DMD: variants seen among roughly 807,000 people sequenced by gnomAD.
DMD encodes mutant dystrophin.
In DMD, 63 loss-of-function variants were observed where a neutral mutation model predicts 330.1. The ratio of observed to expected loss-of-function variants is 0.19; its 90% CI spans 0.16 to 0.24. The LOEUF (loss-of-function observed/expected upper bound fraction) is 0.24. Ranked by LOEUF, DMD falls within the 10% of genes least tolerant of loss-of-function variation. DMD has a pLI of 1.00. For synonymous variants in DMD, 1,223 were observed against 959.8 expected, an observed-to-expected ratio of 1.27 and a Z score of -5.07; for missense variants, 3,344 against 2,684.1, an observed-to-expected ratio of 1.25 and a Z score of -5.43.
intron 47 of DMD, among the ~76,000 whole-genome samples, chrX:31,894,536 CG>C (rs1403219431): frequency 9.0e-6 from 1 of 111,601 alleles, no homozygotes; most frequent in Non-Finnish European, 1.9e-5. Flanking sequence ...CCTTACGTCC[CG>C]GGGGAAACTC....
At chrX:32,648,331 CA>C (rs1222221585) in intron 9 of DMD, among the ~76,000 whole-genome samples, 1 of 111,540 alleles carries the variant, frequency 9.0e-6, no homozygotes, top group Non-Finnish European at 1.9e-5. Context: ...GAATTATAAT[CA>C]AAATTTGAAT....
intron 7 of DMD, among the ~76,000 whole-genome samples, chrX:32,782,109 CTT>C (rs2074826348): frequency 9.0e-6 from 1 of 111,377 alleles, no homozygotes; most frequent in African/African-American, 3.3e-5. Context: ...CTAATGAAAA[CTT>C]TGAAAAATGT....
rs915531178 is a variant in DMD, at chrX:32,911,613, C to G, written c.94-61793G>C. The stretch of plus-strand genomic sequence containing the variant: ...GCCAATGGAACCATGAAAAAATGCC[C>G]AAACTCATTTTTCATTAATGCAATT... On this transcript the variant is annotated intron_variant, in intron 2 of 78. Coordinates refer to ENST00000357033, the MANE Select transcript of DMD (RefSeq NM_004006.3). 5.4e-5 allele frequency among the ~76,000 whole-genome samples: 6 copies of G among 111,298 alleles called. No homozygotes were observed. The Admixed American group carries it at 5.8e-4, about 11-fold the overall frequency.
chrX:31,798,433 G>A (rs2149339398), intron 50 of DMD, among the ~76,000 whole-genome samples: 1 of 110,602 alleles, frequency 9.0e-6, no homozygotes, highest in South Asian at 3.9e-4. Context: ...GGCAAAGTGT[G>A]AGGAGAAGAG....
chrX:33,008,925 C>CGT (rs1557204330), intron 2 of DMD, among the ~76,000 whole-genome samples: 1 of 78,967 alleles, frequency 1.3e-5, no homozygotes, highest in South Asian at 5.8e-4. Context: ...TGTATATATA[C>CGT]ATGTATATAT....
intron 11 of DMD, among the ~76,000 whole-genome samples, chrX:32,638,404 G>A (rs776707886): frequency 8.9e-6 from 1 of 112,174 alleles, no homozygotes; most frequent in East Asian, 2.8e-4. Context: ...TTTCTACTCT[G>A]TCTTAATTTC....
intron 9 of DMD, among the ~76,000 whole-genome samples, chrX:32,664,366 C>G (rs753500869): frequency 1.3e-4 from 14 of 108,610 alleles, no homozygotes; most frequent in Non-Finnish European, 2.1e-4. Flanking sequence ...CTCAGCCTCC[C>G]GAGTAGCTGG....
chrX:31,845,375 G>GTCTCTCTCTCTC (rs535397626), intron 48 of DMD, among the ~76,000 whole-genome samples: 1,186 of 60,046 alleles, frequency 0.02, 93 homozygotes, highest in Non-Finnish European at 0.027. Flanking sequence ...ACAGAATAAA[G>GTCTCTCTCTCTC]TCTCTCTCTC....
intron 44 of DMD, among the ~76,000 whole-genome samples, chrX:32,049,962 C>T (rs1288978482): frequency 1.8e-5 from 2 of 111,384 alleles, no homozygotes; most frequent in African/African-American, 6.5e-5. Context: ...GGCAATACAC[C>T]ACATTTCTCT....
chrX:31,299,448 T>A (rs1301168466), intron 62 of DMD, among the ~76,000 whole-genome samples: 2 of 111,558 alleles, frequency 1.8e-5, no homozygotes, highest in African/African-American at 6.5e-5. Flanking sequence ...TATTTCTGAG[T>A]AAGAACTGAA....
At chrX:31,499,689 C>T (rs1056739469) in intron 56 of DMD, among the ~76,000 whole-genome samples, 3 of 110,791 alleles carry the variant, frequency 2.7e-5, no homozygotes, top group African/African-American at 6.6e-5. Context: ...GATGGGGTTT[C>T]GCCATGCTGG....
chrX:32,291,730 G>A (rs959023797), intron 42 of DMD, among the ~76,000 whole-genome samples: 3 of 111,659 alleles, frequency 2.7e-5, no homozygotes, highest in African/African-American at 9.8e-5. Flanking sequence ...GTTCAATTTT[G>A]GACATGGTCA....
At chrX:31,190,763 T>C (rs2042265000) in intron 67 of DMD, among the ~76,000 whole-genome samples, 1 of 110,270 alleles carries the variant, frequency 9.1e-6, no homozygotes, top group Non-Finnish European at 1.9e-5. Context: ...TGAGAAACCC[T>C]GCCCCAATGT....
In DMD at chrX:32,558,703, G is replaced by T. The variant is rs750358811; in HGVS notation, c.1992+6999C>A. ...GATGGCCACTATAGAAATCTGCCTA[G>T]CTTACCTTTCCTTTAAATTTATAAA... On this transcript the variant is annotated intron_variant, in intron 16 of 78. Coordinates refer to ENST00000357033, the MANE Select transcript of DMD (RefSeq NM_004006.3). Among the ~76,000 whole-genome samples the T allele has an allele frequency of 9.0e-5, 10 of 111,114 alleles. No homozygotes were observed. In the East Asian group the frequency reaches 2.0e-3, roughly 22 times the overall value.
In DMD at chrX:32,468,580, C is replaced by G. The variant is rs370171367; in HGVS notation, c.3080G>C (p.Gly1027Ala). The change falls in exon 23 of 79, where the codon GGA (glycine) becomes GCA (alanine). Residue 1027 changes from glycine to alanine, a missense_variant. Gly to Ala is a moderately conservative substitution (Grantham distance 60). Coordinates refer to ENST00000357033, the MANE Select transcript of DMD (RefSeq NM_004006.3). ...CTGGGAGGAGAGCTTCTTCCAGCGTCCCTCAATTTCTTCAAATTCTGATTG... is the reference window on the plus strand; with the variant it reads ...CTGGGAGGAGAGCTTCTTCCAGCGTGCCTCAATTTCTTCAAATTCTGATTG... ...KYQSEFEEIE[G>A]RWKKLSSQLV... 4 of 1,208,962 alleles carry G rather than the reference C, an allele frequency of 3.3e-6. No homozygotes were observed. The highest frequency in any genetic ancestry group is 4.5e-6 in the Non-Finnish European group (4 of 894,803).
intron 2 of DMD, among the ~76,000 whole-genome samples, chrX:32,960,726 A>T (rs771899932): frequency 7.1e-4 from 79 of 110,577 alleles, no homozygotes; most frequent in African/African-American, 2.5e-3. Flanking sequence ...ACTGATTAAA[A>T]TCTCCCCTTA....
At chrX:31,243,442 T>C (rs2048545715) in intron 63 of DMD, among the ~76,000 whole-genome samples, 1 of 112,119 alleles carries the variant, frequency 8.9e-6, no homozygotes, top group Admixed American at 9.4e-5. Flanking sequence ...TGTTACCAAC[T>C]AGAGCCCCTC....
intron 2 of DMD, among the ~76,000 whole-genome samples, chrX:32,975,049 C>T (rs973926106): frequency 8.9e-6 from 1 of 111,767 alleles, no homozygotes; most frequent in African/African-American, 3.2e-5. Flanking sequence ...TTGAAACTTA[C>T]ACAACCACTG....
chrX:32,463,002 A>G (rs5971635), intron 25 of DMD, among the ~76,000 whole-genome samples: 8,874 of 111,292 alleles, frequency 0.08, 301 homozygotes, highest in East Asian at 0.13. Context: ...GAAGAGGCCA[A>G]ACTTGGAAAT....
Sources: allele counts gnomAD v4.1 joint callset (sites outside exome capture counted in the v4.1 genomes callset), GRCh38; gene constraint gnomAD v4.1.1; transcripts MANE v1.5; gene names NCBI Gene and HGNC (gene_info 2026-07-23, HGNC 2026-07-21).